SHROOM2: variants seen among roughly 807,000 people sequenced by gnomAD.
The protein encoded by SHROOM2 is shroom family member 2, also known as protein Shroom2.
Under a neutral mutation model 75.9 loss-of-function variants are expected in SHROOM2, and 33 were observed. The ratio of observed to expected loss-of-function variants is 0.43; its 90% CI spans 0.33 to 0.58. The LOEUF (loss-of-function observed/expected upper bound fraction) is 0.58, where lower values mean the gene tolerates loss of function less well. Ranked by LOEUF, SHROOM2 falls within the 20% of genes least tolerant of loss-of-function variation. The pLI is 0.04. For missense variants in SHROOM2, 1,434 were observed against 1,461.2 expected (o/e 0.98, Z 0.30); for synonymous variants, 655 against 663.6 (o/e 0.99, Z 0.20).
intron 2 of SHROOM2, among the ~76,000 whole-genome samples, chrX:9,875,629 G>A (rs1371585385): frequency 8.9e-6 from 1 of 112,247 alleles, no homozygotes; most frequent in Admixed American, 9.4e-5. Context: ...ATAGCTATGC[G>A]TAGAAATTCC....
chrX:9,810,150 G>C (rs1208865489), intron 1 of SHROOM2, among the ~76,000 whole-genome samples: 1 of 112,115 alleles, frequency 8.9e-6, no homozygotes, highest in Non-Finnish European at 1.9e-5. Context: ...GTTGTAGCTG[G>C]TACTGATGAC....
At chrX:9,865,855 T>C (rs993954019) in intron 1 of SHROOM2, among the ~76,000 whole-genome samples, 2 of 110,454 alleles carry the variant, frequency 1.8e-5, no homozygotes, top group African/African-American at 3.3e-5. Context: ...CCACCGCGCC[T>C]GGCCTCCTGC....
At chrX:9,849,938 A>C (rs1395283302) in intron 1 of SHROOM2, among the ~76,000 whole-genome samples, 1 of 112,318 alleles carries the variant, frequency 8.9e-6, no homozygotes, top group Non-Finnish European at 1.9e-5. Context: ...TTTTAACAAC[A>C]CGTTGAAGCA....
At chrX:9,795,109 C>T in intron 1 of SHROOM2, among the ~76,000 whole-genome samples, 1 of 101,606 alleles carries the variant, frequency 9.8e-6, no homozygotes, top group African/African-American at 3.5e-5. Flanking sequence ...TTCTTTCTTT[C>T]TTTCTTTCTT....
Position 9,895,771 on chromosome X carries a change from A to G in SHROOM2, c.1863A>G (p.Arg621=), listed in dbSNP as rs763298318. 1.7e-6 allele frequency: 2 copies of G among 1,202,649 alleles called. No individual in the cohort carries two copies. Among genetic ancestry groups the G allele is most frequent in the Non-Finnish European group, 2.2e-6 (2 of 890,988 alleles). Residue 621 remains arginine, a synonymous_variant, in exon 4 of 10, where the codon CGA becomes CGG. Coordinates refer to ENST00000380913, the MANE Select transcript of SHROOM2 (RefSeq NM_001649.4). Reference sequence around the variant, plus strand: ...ACGCCCACGTGGGCAAGCCCACCCGAAGAAGCGACCGCTTTGCCACCACCC... The same window carrying G: ...ACGCCCACGTGGGCAAGCCCACCCGGAGAAGCGACCGCTTTGCCACCACCC... The part of the protein sequence containing the change: ...PFDAHVGKPT[R]RSDRFATTLR...
At chrX:9,931,434 C>T (rs1216548035) in intron 5 of SHROOM2, among the ~76,000 whole-genome samples, 3 of 111,302 alleles carry the variant, frequency 2.7e-5, no homozygotes, top group Non-Finnish European at 5.7e-5. Context: ...ATCACTTGAA[C>T]CCAGGAGTTT....
chrX:9,832,678 C>T (rs1272682618), intron 1 of SHROOM2, among the ~76,000 whole-genome samples: 1 of 107,357 alleles, frequency 9.3e-6, no homozygotes, highest in Non-Finnish European at 1.9e-5. Context: ...GCTGAGCTCA[C>T]TTGCAGGTCA....
intron 1 of SHROOM2, among the ~76,000 whole-genome samples, chrX:9,823,058 T>TC (rs1351855545): frequency 3.2e-5 from 2 of 62,812 alleles, no homozygotes; most frequent in Non-Finnish European, 7.2e-5. Context: ...CTCCTCCTCC[T>TC]CCTCCTCCTC....
At chrX:9,899,172 G>A (rs753637292) in intron 5 of SHROOM2, among the ~76,000 whole-genome samples, 8 of 110,199 alleles carry the variant, frequency 7.3e-5, no homozygotes, top group African/African-American at 2.6e-4. Context: ...TCAAGCACGA[G>A]AATCGCTTGA....
At chrX:9,809,250 TG>T (rs2083778143) in intron 1 of SHROOM2, among the ~76,000 whole-genome samples, 1 of 111,362 alleles carries the variant, frequency 9.0e-6, no homozygotes, top group Admixed American at 9.6e-5. Context: ...CTGAAGAACC[TG>T]GAGTCTGATG....
intron 2 of SHROOM2, among the ~76,000 whole-genome samples, chrX:9,877,195 A>G (rs1055944724): frequency 8.9e-6 from 1 of 111,794 alleles, no homozygotes; most frequent in Non-Finnish European, 1.9e-5. Flanking sequence ...GTGCTGGGAA[A>G]GCGATGCGGG....
At chrX:9,937,778 C>A in intron 7 of SHROOM2, 93 bp downstream of exon 7, 2 of 834,393 alleles carry the variant, frequency 2.4e-6, no homozygotes, top group Non-Finnish European at 3.3e-6. Flanking sequence ...TGTTTTCATG[C>A]GTGCTTTTGG....
intron 1 of SHROOM2, among the ~76,000 whole-genome samples, chrX:9,814,378 T>G (rs1348377644): frequency 9.0e-6 from 1 of 111,714 alleles, no homozygotes; most frequent in Admixed American, 9.6e-5. Flanking sequence ...CCCATACCCT[T>G]AATATCTATT....
At chrX:9,862,579 C>T (rs763112108) in intron 1 of SHROOM2, among the ~76,000 whole-genome samples, 6 of 111,645 alleles carry the variant, frequency 5.4e-5, no homozygotes, top group Non-Finnish European at 9.4e-5. Flanking sequence ...GCTAGGAGGC[C>T]GCCCTTGGAG....
At chrX:9,819,712 G>C (rs748458469) in intron 1 of SHROOM2, among the ~76,000 whole-genome samples, 1 of 110,911 alleles carries the variant, frequency 9.0e-6, no homozygotes, top group African/African-American at 3.3e-5. Context: ...TCCCACGCTT[G>C]AAAAGCGCTG....
At chrX:9,865,165 C>G (rs1269221674) in intron 1 of SHROOM2, 1 of 112,217 alleles carries the variant, frequency 8.9e-6, no homozygotes, top group Admixed American at 9.4e-5. Context: ...CAGTCAAAGC[C>G]TCTCATAAAA....
In SHROOM2 at chrX:9,840,527, C is replaced by T. The variant is rs187397779; in HGVS notation, c.166-33125C>T. ...CAGGCAATCCACCTGTCTCAGCCTCCGCAAGTGCTGGGATTACAGGCATGA... is the reference window on the plus strand; with the variant it reads ...CAGGCAATCCACCTGTCTCAGCCTCTGCAAGTGCTGGGATTACAGGCATGA... On this transcript the variant is annotated intron_variant, in intron 1 of 9. Transcript: ENST00000380913. Among the ~76,000 whole-genome samples the T allele has an allele frequency of 1.8e-4, 20 of 112,152 alleles. No individual in the cohort carries two copies. In the East Asian group the frequency reaches 1.9e-3, roughly 11 times the overall value.
chrX:9,834,291 A>T (rs967302462), intron 1 of SHROOM2, among the ~76,000 whole-genome samples: 6 of 112,322 alleles, frequency 5.3e-5, no homozygotes, highest in African/African-American at 1.9e-4. Context: ...GAAGCCTGTC[A>T]GGAGGAGGTG....
chrX:9,945,609 A>G (rs1309588338), intron 9 of SHROOM2, among the ~76,000 whole-genome samples: 1 of 111,769 alleles, frequency 8.9e-6, no homozygotes, highest in African/African-American at 3.3e-5. Context: ...TTCTTTTACC[A>G]TGTATAAGTC....
Sources: gnomAD v4.1 joint callset for allele counts (sites outside exome capture counted in the v4.1 genomes callset) on GRCh38, gnomAD v4.1.1 for gene constraint, MANE v1.5 for transcripts, NCBI Gene and HGNC (gene_info 2026-07-23, HGNC 2026-07-21) for gene names.